CNTNAP5: variants seen among roughly 807,000 people sequenced by gnomAD.
CNTNAP5 encodes the protein contactin associated protein family member 5, also known as contactin-associated protein-like 5.
In CNTNAP5, 72 loss-of-function variants were observed where a neutral mutation model predicts 150.2. That is an observed-to-expected ratio of 0.48 (90% CI 0.40 to 0.58). The LOEUF is 0.58. CNTNAP5 is among the 20% of genes least tolerant of loss of function. CNTNAP5 has a pLI of 0.00. For synonymous variants in CNTNAP5, 672 were observed against 619.8 expected (o/e 1.08, Z -1.25); for missense variants, 1,636 against 1,626.2 (o/e 1.01, Z -0.10).
intron 12 of CNTNAP5, among the ~76,000 whole-genome samples, chr2:124,637,002 A>G (rs1378807977): frequency 6.6e-6 from 1 of 152,138 alleles, no homozygotes; most frequent in East Asian, 1.9e-4. Context: ...AAATCGAAAG[A>G]CTTTAGGTTT....
At chr2:124,335,144 T>C (rs956300068) in intron 3 of CNTNAP5, among the ~76,000 whole-genome samples, 1 of 152,078 alleles carries the variant, frequency 6.6e-6, no homozygotes, top group Non-Finnish European at 1.5e-5. Flanking sequence ...ACCCAAAATA[T>C]GGGGTGCTGC....
rs1355114626 is a variant in CNTNAP5, at chr2:124,798,150, C to T, written c.3047C>T (p.Pro1016Leu). The T allele has an allele frequency of 1.9e-6, 3 of 1,613,502 alleles. No individual in the cohort carries two copies. Among genetic ancestry groups the T allele is most frequent in the African/African-American group, 1.3e-5 (1 of 74,920 alleles). ...GTSVTYMFQE[P>L]YPVTKNISLS... ...TCGGTTACTTACATGTTTCAAGAACCCTATCCTGTGACCAAGAATATAAGC... is the reference window on the plus strand; with the variant it reads ...TCGGTTACTTACATGTTTCAAGAACTCTATCCTGTGACCAAGAATATAAGC... The change falls in exon 19 of 24, where the codon CCC (proline) becomes CTC (leucine). Residue 1016 changes from proline (P) to leucine (L), a missense_variant. Transcript: ENST00000682447.
At chr2:124,540,383 G>A (rs1052914621) in intron 10 of CNTNAP5, among the ~76,000 whole-genome samples, 4 of 152,156 alleles carry the variant, frequency 2.6e-5, no homozygotes, top group Non-Finnish European at 5.9e-5. Context: ...ATTTGTGTAT[G>A]TACATAGCTG....
At chr2:124,075,710 C>T (rs1220703263) in intron 1 of CNTNAP5, among the ~76,000 whole-genome samples, 2 of 152,092 alleles carry the variant, frequency 1.3e-5, no homozygotes, top group Non-Finnish European at 2.9e-5. Flanking sequence ...ACACATTTTG[C>T]TGTCTGTGTG....
chr2:124,444,146 C>T (rs568210588), intron 5 of CNTNAP5, among the ~76,000 whole-genome samples: 1 of 152,162 alleles, frequency 6.6e-6, no homozygotes, highest in East Asian at 1.9e-4. Flanking sequence ...AGGCCACCTC[C>T]TGCCAACGCC....
chr2:124,493,965 T>TAC (rs58843895), intron 7 of CNTNAP5, among the ~76,000 whole-genome samples: 6,113 of 143,812 alleles, frequency 0.043, 155 homozygotes, highest in South Asian at 0.11. Flanking sequence ...AAACCATAAA[T>TAC]ACACACACAC....
intron 11 of CNTNAP5, among the ~76,000 whole-genome samples, chr2:124,587,908 A>G (rs116387001): frequency 0.011 from 1,705 of 152,306 alleles, 28 homozygotes; most frequent in African/African-American, 0.036. Flanking sequence ...GAGAAGAAAT[A>G]TATATAGAGA....
At chr2:124,860,117 C>T (rs1677481277) in intron 19 of CNTNAP5, among the ~76,000 whole-genome samples, 6 of 151,786 alleles carry the variant, frequency 4.0e-5, no homozygotes, top group Admixed American at 2.6e-4. Context: ...CTTGGGAGGC[C>T]AAAGTGGGTG....
intron 21 of CNTNAP5, among the ~76,000 whole-genome samples, chr2:124,885,447 C>T (rs566755321): frequency 6.6e-5 from 10 of 151,810 alleles, no homozygotes; most frequent in Non-Finnish European, 7.4e-5. Context: ...TGAAGTGAAA[C>T]GCACATAAAA....
chr2:124,741,555 AC>A (rs2105138493), intron 13 of CNTNAP5, among the ~76,000 whole-genome samples: 1 of 152,158 alleles, frequency 6.6e-6, no homozygotes, highest in African/African-American at 2.4e-5. Context: ...CTAATCATGT[AC>A]AAATTAGATT....
At chr2:124,652,066 C>T (rs1043513316) in intron 13 of CNTNAP5, among the ~76,000 whole-genome samples, 3 of 152,334 alleles carry the variant, frequency 2.0e-5, no homozygotes, top group Admixed American at 2.0e-4. Context: ...AACCATGACA[C>T]TGTCATTTTA....
chr2:124,615,157 G>C (rs1677468863), intron 12 of CNTNAP5, among the ~76,000 whole-genome samples: 1 of 152,142 alleles, frequency 6.6e-6, no homozygotes, highest in South Asian at 2.1e-4. Context: ...GCTGAAGGTT[G>C]GGGTGGCTGC....
intron 11 of CNTNAP5, among the ~76,000 whole-genome samples, chr2:124,587,699 T>C (rs899709828): frequency 6.6e-6 from 1 of 152,190 alleles, no homozygotes; most frequent in African/African-American, 2.4e-5. Flanking sequence ...TCTTTATAAA[T>C]CATCAGTGAT....
At chr2:124,834,774 C>G (rs1382706094) in intron 19 of CNTNAP5, among the ~76,000 whole-genome samples, 1 of 130,700 alleles carries the variant, frequency 7.7e-6, no homozygotes, top group African/African-American at 2.7e-5. Flanking sequence ...TTAAAGATAC[C>G]TTTAAAATAT....
chr2:124,137,525 C>T (rs368589050), intron 1 of CNTNAP5, among the ~76,000 whole-genome samples: 6 of 152,140 alleles, frequency 3.9e-5, no homozygotes, highest in East Asian at 1.9e-4. Context: ...TAGAGAAGTT[C>T]AATTTTAGAG....
chr2:124,387,313 A>T (rs1690954804), intron 3 of CNTNAP5, among the ~76,000 whole-genome samples: 1 of 152,198 alleles, frequency 6.6e-6, no homozygotes, highest in African/African-American at 2.4e-5. Context: ...CAAATCTATT[A>T]TTTCTATTTC....
chr2:124,381,571 G>A (rs892202240), intron 3 of CNTNAP5, among the ~76,000 whole-genome samples: 8 of 152,094 alleles, frequency 5.3e-5, no homozygotes, highest in Admixed American at 1.3e-4. Flanking sequence ...GAAGATCCTC[G>A]TAGAGAGGTG....
intron 1 of CNTNAP5, among the ~76,000 whole-genome samples, chr2:124,122,305 G>A (rs186288101): frequency 2.6e-5 from 4 of 152,244 alleles, no homozygotes; most frequent in African/African-American, 9.6e-5. Context: ...ACATTAGGCA[G>A]GCTGTCAGGC....
Position 124,504,554 on chromosome 2 carries a change from C to A in CNTNAP5, c.1325C>A (p.Thr442Lys). The A allele has an allele frequency of 6.2e-7, 1 of 1,613,252 alleles. No homozygotes were observed. Among genetic ancestry groups the A allele is most frequent in the Non-Finnish European group, 8.5e-7 (1 of 1,179,616 alleles). Residue 442 changes from threonine (T) to lysine (K), a missense_variant and splice_region_variant, in exon 8 of 24, where the codon ACA (threonine) becomes AAA (lysine). Thr to Lys is a moderately conservative substitution (Grantham distance 78). Transcript: ENST00000682447. ...KMTERVAEILTGSNLNDGLWH... is the reference protein window; with the variant it reads ...KMTERVAEILKGSNLNDGLWH... ...ACAGAACGCGTAGCTGAAATCCTCA[C>A]AGGTACTGTCTGCTGACACTCTGGA...
Sources: allele counts gnomAD v4.1 joint callset (sites outside exome capture counted in the v4.1 genomes callset), GRCh38; gene constraint gnomAD v4.1.1; transcripts MANE v1.5; gene names NCBI Gene and HGNC (gene_info 2026-07-23, HGNC 2026-07-21).